TRAPPC13: variants seen among roughly 807,000 people sequenced by gnomAD.
TRAPPC13 encodes the protein trafficking protein particle complex subunit 13.
In TRAPPC13, 39 loss-of-function variants were observed where a neutral mutation model predicts 54.0. That is an observed-to-expected ratio of 0.72 (90% CI 0.56 to 0.94). TRAPPC13 has a LOEUF of 0.94. Among genes scored for constraint, TRAPPC13 ranks in the 40% least tolerant of loss-of-function variants. The pLI is 0.00. For synonymous variants in TRAPPC13, 148 were observed against 167.7 expected, an observed-to-expected ratio of 0.88 and a Z score of 0.91; for missense variants, 386 against 488.1, an observed-to-expected ratio of 0.79 and a Z score of 1.97.
chr5:65,633,474 G>T (rs1755624590), intron 1 of TRAPPC13, among the ~76,000 whole-genome samples: 2 of 151,916 alleles, frequency 1.3e-5, no homozygotes, highest in Non-Finnish European at 2.9e-5. Flanking sequence ...TAGAGACGGA[G>T]TTTCACCGTG....
At chr5:65,650,756 T>A (rs1756398674) in intron 5 of TRAPPC13, 54 bp from the exon 6 acceptor site, 8 of 1,436,234 alleles carry the variant, frequency 5.6e-6, no homozygotes, top group Admixed American at 1.8e-5. Flanking sequence ...TGTGTTTGAT[T>A]TACTATTAAA....
chr5:65,656,416 CT>C (rs1561775690), intron 8 of TRAPPC13, among the ~76,000 whole-genome samples: 3 of 151,424 alleles, frequency 2.0e-5, no homozygotes, highest in African/African-American at 4.9e-5. Flanking sequence ...GATATATGTA[CT>C]TTTTTTTAGA....
At chr5:65,642,528 A>G (rs1756008750) in intron 4 of TRAPPC13, among the ~76,000 whole-genome samples, 2 of 151,874 alleles carry the variant, frequency 1.3e-5, no homozygotes, top group Admixed American at 1.3e-4. Flanking sequence ...CTGTTTATTT[A>G]CTTTATTCTT....
chr5:65,661,903 G>T, intron 10 of TRAPPC13, 147 bp from the exon 11 acceptor site: 1 of 527,246 alleles, frequency 1.9e-6, no homozygotes. Context: ...TAAAATGAGA[G>T]ACAAGTAAAG....
chr5:65,658,439 A>G lies in TRAPPC13; in HGVS notation c.636A>G (p.Ser212=). The change falls in exon 9 of 13, where the codon TCA becomes TCG. Residue 212 remains serine, a synonymous_variant. Coordinates refer to ENST00000399438, the MANE Select transcript of TRAPPC13 (RefSeq NM_024941.4). The part of the protein sequence containing the change: ...TTSPMFMEKV[S]LEPSIMYNVT... ...CACCTATGTTTATGGAGAAGGTTTCACTGGAGCCATCTATTATGTACAATG... is the reference window on the plus strand; with the variant it reads ...CACCTATGTTTATGGAGAAGGTTTCGCTGGAGCCATCTATTATGTACAATG... 6.3e-7 allele frequency: 1 copy of G among 1,593,346 alleles called. No homozygotes were observed. Among genetic ancestry groups the G allele is most frequent in the East Asian group, 2.3e-5 (1 of 44,344 alleles).
At chr5:65,660,978 G>C in intron 10 of TRAPPC13, 81 bp downstream of exon 10, 1 of 1,225,180 alleles carries the variant, frequency 8.2e-7, no homozygotes, top group Non-Finnish European at 1.1e-6. Context: ...TCTACATCCA[G>C]CAGTAAAAAA....
intron 4 of TRAPPC13, among the ~76,000 whole-genome samples, chr5:65,641,954 A>G (rs1216254746): frequency 6.6e-6 from 1 of 150,386 alleles, no homozygotes. Context: ...GTTTTTTTCT[A>G]GGAAATAATC....
intron 8 of TRAPPC13, 29 bp from the exon 9 acceptor site, chr5:65,658,339 C>A: frequency 6.4e-7 from 1 of 1,565,338 alleles, no homozygotes; most frequent in Non-Finnish European, 8.6e-7. Flanking sequence ...GCCACCACAC[C>A]TTGGTGGATA....
chr5:65,634,309 G>A lies in TRAPPC13; in HGVS notation c.47-992G>A, dbSNP rs572927906. On this transcript the variant is annotated intron_variant, in intron 1 of 12. Coordinates refer to ENST00000399438, the MANE Select transcript of TRAPPC13 (RefSeq NM_024941.4). ...CACTCCCAGCAATTTCTTTATATAAGTATATCCTATCTTTTTTTTGAAAAA... is the reference window on the plus strand; with the variant it reads ...CACTCCCAGCAATTTCTTTATATAAATATATCCTATCTTTTTTTTGAAAAA... 9.2e-5 allele frequency among the ~76,000 whole-genome samples: 14 copies of A among 152,044 alleles called. No individual in the cohort carries two copies. In the Middle Eastern group the frequency reaches 0.01, roughly 111 times the overall value.
chr5:65,628,716 C>T (rs557744862), intron 1 of TRAPPC13, among the ~76,000 whole-genome samples: 5 of 151,880 alleles, frequency 3.3e-5, no homozygotes, highest in South Asian at 4.1e-4. Context: ...GTGATCTGCC[C>T]GCCTTGGCCC....
At chr5:65,639,217 C>T (rs154865) in intron 4 of TRAPPC13, among the ~76,000 whole-genome samples, 78,353 of 152,034 alleles carry the variant, frequency 0.52, 21,531 homozygotes, top group Non-Finnish European at 0.62. Flanking sequence ...ATGGGAATTA[C>T]GGGAGCTACA....
chr5:65,630,481 G>T, intron 1 of TRAPPC13: 1 of 1,382,180 alleles, frequency 7.2e-7, no homozygotes, highest in Non-Finnish European at 9.3e-7. Flanking sequence ...AGAAATTGCT[G>T]AGTTCTGCTT....
intron 11 of TRAPPC13, chr5:65,663,424 C>T (rs1376541957): frequency 6.6e-6 from 1 of 152,114 alleles, no homozygotes; most frequent in Admixed American, 6.6e-5. Flanking sequence ...CCACCTTGGT[C>T]TCTGGCACAT....
intron 3 of TRAPPC13, among the ~76,000 whole-genome samples, chr5:65,637,047 CA>C (rs952917105): frequency 1.3e-5 from 2 of 152,186 alleles, no homozygotes; most frequent in African/African-American, 4.8e-5. Flanking sequence ...TAAGTTATTT[CA>C]AGAATGGAAA....
chr5:65,649,553 A>G (rs963422496), intron 5 of TRAPPC13, among the ~76,000 whole-genome samples: 2 of 152,146 alleles, frequency 1.3e-5, no homozygotes, highest in Admixed American at 6.5e-5. Flanking sequence ...CATTATTTTA[A>G]CGTGTTTCTC....
intron 7 of TRAPPC13, 59 bp downstream of exon 7, chr5:65,652,604 A>C (rs1376160186): frequency 8.2e-7 from 1 of 1,219,634 alleles, no homozygotes; most frequent in East Asian, 2.3e-5. Context: ...ATTTGACTAA[A>C]AATCTCTTAT....
chr5:65,651,721 G>GT (rs1455064605), intron 6 of TRAPPC13, among the ~76,000 whole-genome samples: 2 of 89,994 alleles, frequency 2.2e-5, no homozygotes, highest in Non-Finnish European at 5.1e-5. Context: ...TACTGTATAT[G>GT]GTTTTTTTCA....
intron 1 of TRAPPC13, chr5:65,626,221 TATTA>T (rs896773941): frequency 1.3e-5 from 2 of 152,190 alleles, no homozygotes; most frequent in South Asian, 2.1e-4. Flanking sequence ...GTGGAGTAAA[TATTA>T]ATTCTCAGAG....
intron 3 of TRAPPC13, 99 bp from the exon 4 acceptor site, chr5:65,637,597 C>T: frequency 1.6e-6 from 1 of 621,028 alleles, no homozygotes; most frequent in South Asian, 1.8e-5. Context: ...TGCCACTGCA[C>T]TCCAGCCTGG....
Sources: gnomAD v4.1 joint callset for allele counts (sites outside exome capture counted in the v4.1 genomes callset) on GRCh38, gnomAD v4.1.1 for gene constraint, MANE v1.5 for transcripts, NCBI Gene and HGNC (gene_info 2026-07-23, HGNC 2026-07-21) for gene names.